ITPR3: variants seen among roughly 807,000 people sequenced by gnomAD.
The protein encoded by ITPR3 is inositol 1,4,5-trisphosphate-gated calcium channel ITPR3.
ITPR3 carries 173 observed loss-of-function variants against 293.2 expected under a neutral mutation model. The ratio of observed to expected loss-of-function variants is 0.59; its 90% CI spans 0.52 to 0.67. ITPR3 has a LOEUF of 0.67. Ranked by LOEUF, ITPR3 falls within the 30% of genes least tolerant of loss-of-function variation. ITPR3 has a pLI of 0.00. For missense variants in ITPR3, 2,796 were observed against 3,592.1 expected, an observed-to-expected ratio of 0.78 and a Z score of 5.66; for synonymous variants, 1,295 against 1,444.4, an observed-to-expected ratio of 0.90 and a Z score of 2.35.
At chr6:33,668,893 G>A (rs899050252) in intron 17 of ITPR3, 81 bp from the exon 18 acceptor site, 28 of 1,443,084 alleles carry the variant, frequency 1.9e-5, no homozygotes, top group Non-Finnish European at 2.7e-5. Context: ...CTGGCACTGT[G>A]TGGCCGGGTG....
chr6:33,663,756 G>T lies in ITPR3; in HGVS notation c.1024G>T (p.Gly342Cys), dbSNP rs1764537426. 6.2e-7 allele frequency: 1 copy of T among 1,613,992 alleles called. No individual in the cohort carries two copies. The highest frequency in any genetic ancestry group is 1.7e-5 in the Admixed American group (1 of 60,012). ...AAGMGAQGRT[G>C]RRNAGEKIKY... ...CATCCAGGGGGCACAGGGCCGCACA[G>T]GCCGCAGGAATGCTGGGGAGAAGAT... The change falls in exon 11 of 58, where the codon GGC becomes TGC. Residue 342 changes from glycine (G) to cysteine (C), a missense_variant. Physicochemically the swap from Gly to Cys is radical, Grantham distance 159. Around this residue, in one of 8 missense-constraint regions of ITPR3, gnomAD observed 955 missense variants for 1,180.8 expected, o/e 0.81. Transcript: ENST00000605930.
chr6:33,631,888 C>A (rs940652383), intron 1 of ITPR3, among the ~76,000 whole-genome samples: 1 of 152,208 alleles, frequency 6.6e-6, no homozygotes, highest in Admixed American at 6.5e-5. Flanking sequence ...CCCTTCAGCA[C>A]CTGACCCTAT....
intron 7 of ITPR3, among the ~76,000 whole-genome samples, chr6:33,660,280 G>C (rs1321450510): frequency 5.3e-5 from 8 of 152,084 alleles, no homozygotes; most frequent in Admixed American, 5.2e-4. Context: ...AGGAACATCA[G>C]CTGTGAAACC....
At chr6:33,641,645 C>T (rs1475879771) in intron 2 of ITPR3, among the ~76,000 whole-genome samples, 1 of 152,062 alleles carries the variant, frequency 6.6e-6, no homozygotes, top group African/African-American at 2.4e-5. Flanking sequence ...ACCGTTGGCC[C>T]CTGCTGCCTC....
intron 41 of ITPR3, 28 bp downstream of exon 41, chr6:33,685,855 T>A: frequency 6.5e-7 from 1 of 1,550,094 alleles, no homozygotes; most frequent in Non-Finnish European, 8.7e-7. Flanking sequence ...CACCTGCCCC[T>A]TCCCCCGCTG....
At chr6:33,645,174 A>C (rs572178243) in intron 2 of ITPR3, among the ~76,000 whole-genome samples, 32 of 151,822 alleles carry the variant, frequency 2.1e-4, no homozygotes, top group African/African-American at 7.0e-4. Flanking sequence ...TCTCTACTAA[A>C]AATACAAATA....
chr6:33,666,054 C>G lies in ITPR3; in HGVS notation c.1551+78C>G. ...ATGCCTTCAACTGCAGGCTCATCCC[C>G]CGCTTTAACAAAAATCAGTATATAT... is the stretch of plus-strand genomic sequence containing the variant. On this transcript the variant is annotated intron_variant, in intron 14 of 57. Transcript: ENST00000605930. This position sits in a 1 kb window ranked among gnomAD's most constrained non-coding sequence, Gnocchi z 5.1. The G allele has an allele frequency of 6.7e-7, 1 of 1,501,838 alleles. No individual in the cohort carries two copies. Among genetic ancestry groups the G allele is most frequent in the Non-Finnish European group, 9.0e-7 (1 of 1,111,958 alleles). 93.0% of individuals were successfully genotyped at this position (1,501,838 alleles called of 1,614,324 possible). A position where few individuals can be genotyped will look rare whatever the true frequency, so the allele number is the denominator to read the frequency against.
At chr6:33,686,560 G>GCACATCACA in intron 43 of ITPR3, 41 bp downstream of exon 43, 1 of 1,440,342 alleles carries the variant, frequency 6.9e-7, no homozygotes, top group Non-Finnish European at 9.8e-7. Flanking sequence ...GGGTGTGCAT[G>GCACATCACA]TGATGTGCAT....
In ITPR3 at chr6:33,675,908, G is replaced by T. The variant is rs1393620253; in HGVS notation, c.3282+52G>T. The T allele has an allele frequency of 2.8e-5, 41 of 1,479,718 alleles. No individual in the cohort carries two copies. Among genetic ancestry groups the T allele is most frequent in the Non-Finnish European group, 3.7e-5 (41 of 1,109,584 alleles). The allele number at this position is 1,479,718 out of a possible 1,614,324, so 91.7% of individuals were successfully genotyped here. ...TGAGCATGAGGCCTGCACCAGGCACGGGGGGACAGTAAACGATGATTGAGG... is the reference window on the plus strand; with the variant it reads ...TGAGCATGAGGCCTGCACCAGGCACTGGGGGACAGTAAACGATGATTGAGG... On this transcript the variant is annotated intron_variant, in intron 25 of 57. Coordinates refer to ENST00000605930, the MANE Select transcript of ITPR3 (RefSeq NM_002224.4). This position sits in a 1 kb window ranked among gnomAD's most constrained non-coding sequence, Gnocchi z 5.0.
Position 33,686,391 on chromosome 6 carries a change from C to T in ITPR3, c.5869-18C>T, listed in dbSNP as rs1461151407. 2 of 1,609,506 alleles carry T rather than the reference C, an allele frequency of 1.2e-6. No individual in the cohort carries two copies. The highest frequency in any genetic ancestry group is 2.2e-5 in the East Asian group (1 of 44,870). On this transcript the variant is annotated intron_variant, in intron 42 of 57. Transcript: ENST00000605930. Reference sequence around the variant, plus strand: ...CTGAGAGGGCCTGGGCCCTGTGTCCCCCACTGCCTCCTGCCAGACTTGCAT... The same window carrying T: ...CTGAGAGGGCCTGGGCCCTGTGTCCTCCACTGCCTCCTGCCAGACTTGCAT...
chr6:33,656,175 G>T (rs575460624), intron 3 of ITPR3, among the ~76,000 whole-genome samples: 1 of 152,142 alleles, frequency 6.6e-6, no homozygotes, highest in Non-Finnish European at 1.5e-5. Context: ...ATTCCAATAC[G>T]CAAGAGATTG....
At position 33,693,632 on chromosome 6, in the gene ITPR3, T is replaced by A; in HGVS notation, c.7712T>A (p.Phe2571Tyr). 1.2e-6 allele frequency: 2 copies of A among 1,614,186 alleles called. No individual in the cohort carries two copies. Among genetic ancestry groups the A allele is most frequent in the Non-Finnish European group, 1.7e-6 (2 of 1,180,020 alleles). Residue 2571 changes from phenylalanine to tyrosine, a missense_variant, in exon 56 of 58, where the codon TTC becomes TAC. Transcript: ENST00000605930. ...LEHNMWNYLY[F>Y]IVLVRVKNKT... ...CACAACATGTGGAACTACTTGTACT[T>A]CATTGTGCTGGTCCGCGTGAAGAAC...
rs1049724025 is a variant in ITPR3, at chr6:33,696,546, A to T, written c.*766A>T. 1 of 152,610 alleles carries T rather than the reference A, an allele frequency of 6.6e-6. No individual in the cohort carries two copies. The highest frequency in any genetic ancestry group is 1.5e-5 in the Non-Finnish European group (1 of 68,044). The allele number at this position is 152,610 out of a possible 1,614,324, so 9.5% of individuals were successfully genotyped here. ...AACTAATATGTTAATTGCCTTAAAT[A>T]AATTAATAGAAATCTAGTCCGTTAA... On this transcript the variant is annotated 3_prime_UTR_variant, in exon 58 of 58. Coordinates refer to ENST00000605930, the MANE Select transcript of ITPR3 (RefSeq NM_002224.4).
In ITPR3 at chr6:33,675,845, A is replaced by G. The variant is rs1488888168; in HGVS notation, c.3271A>G (p.Thr1091Ala). The G allele has an allele frequency of 6.4e-7, 1 of 1,566,590 alleles. No homozygotes were observed. Among genetic ancestry groups the G allele is most frequent in the South Asian group, 1.2e-5 (1 of 85,716 alleles). ...CAGCCAGCGCCAGGAGGCCATGCAC[A>G]CCTTCAAGCAGGTGACGGGACTACC... Reference protein sequence around the residue: ...HFSQRQEAMHTFKQVQLLISA... With the variant: ...HFSQRQEAMHAFKQVQLLISA... The change falls in exon 25 of 58, where the codon ACC becomes GCC. Residue 1091 changes from threonine (T) to alanine (A), a missense_variant. Physicochemically the swap from Thr to Ala is moderately conservative, Grantham distance 58. Around this residue, in one of 8 missense-constraint regions of ITPR3, gnomAD observed 955 missense variants for 1,180.8 expected, o/e 0.81. Coordinates refer to ENST00000605930, the MANE Select transcript of ITPR3 (RefSeq NM_002224.4). This position sits in a 1 kb window ranked among gnomAD's most constrained non-coding sequence, Gnocchi z 5.0.
chr6:33,690,912 T>C lies in ITPR3; in HGVS notation c.7033-5T>C, dbSNP rs752469527. Reference sequence around the variant, plus strand: ...TGCCATCCCTATCTCAACCCCATCCTGCAGCTCTTTGACCTCATCTACCGC... The same window carrying C: ...TGCCATCCCTATCTCAACCCCATCCCGCAGCTCTTTGACCTCATCTACCGC... On this transcript the variant is annotated splice_polypyrimidine_tract_variant and splice_region_variant and intron_variant, in intron 51 of 57. Coordinates refer to ENST00000605930, the MANE Select transcript of ITPR3 (RefSeq NM_002224.4). 6.2e-7 allele frequency: 1 copy of C among 1,613,478 alleles called. No individual in the cohort carries two copies. The highest frequency in any genetic ancestry group is 8.5e-7 in the Non-Finnish European group (1 of 1,179,560).
In ITPR3 at chr6:33,694,957, G is replaced by A. The variant is rs1221371550; in HGVS notation, c.7819G>A (p.Ala2607Thr). The part of the protein sequence containing the change: ...KNLDWFPRMR[A>T]MSLVSNEGEG... ...CCTGGACTGGTTCCCCCGGATGCGG[G>A]CCATGTCCCTTGTCAGCAATGAGGG... The change falls in exon 57 of 58, where the codon GCC becomes ACC. Residue 2607 changes from alanine (A) to threonine (T), a missense_variant. By Grantham distance (58) the Ala-to-Thr change is moderately conservative (BLOSUM62 0). Transcript: ENST00000605930. 6 of 1,614,158 alleles carry A rather than the reference G, an allele frequency of 3.7e-6. No homozygotes were observed. In the South Asian group the frequency reaches 4.4e-5, roughly 12 times the overall value.
intron 7 of ITPR3, among the ~76,000 whole-genome samples, chr6:33,660,520 C>G (rs558096210): frequency 6.6e-6 from 1 of 152,254 alleles, no homozygotes; most frequent in East Asian, 1.9e-4. Flanking sequence ...TTCTCCCTCC[C>G]TCCCTCCCTT....
chr6:33,627,481 T>C (rs1183872837), intron 1 of ITPR3, among the ~76,000 whole-genome samples: 2 of 152,266 alleles, frequency 1.3e-5, no homozygotes, highest in African/African-American at 4.8e-5. Flanking sequence ...CATGGTATGC[T>C]GTACCTTAAT....
chr6:33,686,657 C>A, intron 43 of ITPR3, 138 bp downstream of exon 43: 1 of 716,428 alleles, frequency 1.4e-6, no homozygotes. Context: ...CATCTGGATG[C>A]ACAAGTGTGT....
Sources: allele counts gnomAD v4.1 joint callset (sites outside exome capture counted in the v4.1 genomes callset), GRCh38; gene constraint gnomAD v4.1.1; regional missense constraint gnomAD v4.1.1; non-coding constraint Gnocchi (gnomAD v3.1); transcripts MANE v1.5; gene names NCBI Gene and HGNC (gene_info 2026-07-23, HGNC 2026-07-21).